TMEM132D: variants seen among roughly 807,000 people sequenced by gnomAD.
The protein encoded by TMEM132D is mature OL transmembrane protein.
In TMEM132D, 21 loss-of-function variants were observed where a neutral mutation model predicts 62.3. That is an observed-to-expected ratio of 0.34 (90% confidence interval 0.24 to 0.49). The LOEUF is 0.49. Among genes scored for constraint, TMEM132D ranks in the 20% least tolerant of loss-of-function variants. TMEM132D has a pLI of 0.99. For synonymous variants in TMEM132D, 621 were observed against 575.6 expected, an observed-to-expected ratio of 1.08 and a Z score of -1.13; for missense variants, 1,346 against 1,402.8, an observed-to-expected ratio of 0.96 and a Z score of 0.65.
chr12:129,815,234 C>G (rs1401105215), intron 1 of TMEM132D, among the ~76,000 whole-genome samples: 1 of 152,078 alleles, frequency 6.6e-6, no homozygotes, highest in Non-Finnish European at 1.5e-5. Flanking sequence ...TAATTTAGCT[C>G]TTAGTTCTAC....
intron 1 of TMEM132D, among the ~76,000 whole-genome samples, chr12:129,702,952 G>A (rs769351714): frequency 6.6e-5 from 10 of 152,262 alleles, no homozygotes; most frequent in East Asian, 1.9e-4. Context: ...TAAGAGCTCC[G>A]TGTAATCCTG....
Position 129,371,206 on chromosome 12 carries a change from A to G in TMEM132D, c.1116-33389T>C, listed in dbSNP as rs1870587494. On this transcript the variant is annotated intron_variant, in intron 3 of 8. Transcript: ENST00000422113. This position sits in a 1 kb window ranked among gnomAD's most constrained non-coding sequence, Gnocchi z 4.3. ...AGTCACACTGACTAAGTTTTCAAAA[A>G]TATTACTTTTTAAATTATTGTTGTT... 6.6e-6 allele frequency among the ~76,000 whole-genome samples: 1 copy of G among 152,210 alleles called. No individual in the cohort carries two copies. Among genetic ancestry groups the G allele is most frequent in the South Asian group, 2.1e-4 (1 of 4,820 alleles).
chr12:129,675,179 A>G (rs2137203023), intron 2 of TMEM132D, among the ~76,000 whole-genome samples: 1 of 152,316 alleles, frequency 6.6e-6, no homozygotes, highest in East Asian at 1.9e-4. Flanking sequence ...AAATTATTGT[A>G]TACATTACTG....
chr12:129,342,407 TG>T (rs1869523693), intron 3 of TMEM132D, among the ~76,000 whole-genome samples: 1 of 149,118 alleles, frequency 6.7e-6, no homozygotes, highest in Admixed American at 6.6e-5. Flanking sequence ...TTCCTTACAC[TG>T]TATACAAAAA....
chr12:129,317,206 C>A (rs1868518304), intron 4 of TMEM132D, among the ~76,000 whole-genome samples: 1 of 152,028 alleles, frequency 6.6e-6, no homozygotes, highest in African/African-American at 2.4e-5. Context: ...GTTGTTTTTG[C>A]TTTTTAACTT....
At chr12:129,227,319 A>ATATATATATATATATATATATATATG (rs1193510600) in intron 4 of TMEM132D, among the ~76,000 whole-genome samples, 2 of 139,990 alleles carry the variant, frequency 1.4e-5, no homozygotes, top group African/African-American at 5.5e-5. Flanking sequence ...ATATATATAT[A>ATATATATATATATATATATATATATG]TATATATGGC....
chr12:129,143,926 C>CT (rs62961161), intron 5 of TMEM132D, among the ~76,000 whole-genome samples: 10,648 of 152,084 alleles, frequency 0.07, 1,121 homozygotes, highest in African/African-American at 0.22. Flanking sequence ...CACAATGACC[C>CT]TGCTCACTCT....
At chr12:129,257,288 G>A (rs1192073419) in intron 4 of TMEM132D, among the ~76,000 whole-genome samples, 2 of 149,164 alleles carry the variant, frequency 1.3e-5, no homozygotes, top group African/African-American at 5.0e-5. Context: ...CTCACTGCAA[G>A]CTCTGCCTCC....
chr12:129,729,321 C>G (rs1320442381), intron 1 of TMEM132D, among the ~76,000 whole-genome samples: 1 of 152,206 alleles, frequency 6.6e-6, no homozygotes, highest in East Asian at 1.9e-4. Context: ...GTTTCTCAAC[C>G]TTGACGCTAC....
intron 1 of TMEM132D, among the ~76,000 whole-genome samples, chr12:129,738,408 GAAGA>G (rs1035821072): frequency 6.6e-6 from 1 of 152,180 alleles, no homozygotes; most frequent in Non-Finnish European, 1.5e-5. Context: ...AGGAAAAAAG[GAAGA>G]AAGGAAGAGG....
intron 2 of TMEM132D, among the ~76,000 whole-genome samples, chr12:129,665,011 C>G (rs975693647): frequency 5.9e-5 from 9 of 152,056 alleles, no homozygotes; most frequent in Non-Finnish European, 1.2e-4. Flanking sequence ...GGCATCCTGT[C>G]TCCAGAGTCT....
intron 7 of TMEM132D, among the ~76,000 whole-genome samples, chr12:129,079,492 C>A (rs922460580): frequency 6.6e-6 from 1 of 152,188 alleles, no homozygotes; most frequent in South Asian, 2.1e-4. Context: ...GGAATCACTT[C>A]TTCCTCCTCT....
chr12:129,825,688 G>A (rs1433560302), intron 1 of TMEM132D, among the ~76,000 whole-genome samples: 2 of 152,116 alleles, frequency 1.3e-5, no homozygotes, highest in African/African-American at 4.8e-5. Flanking sequence ...TGCATGGTAT[G>A]GGGTGGACTG....
At chr12:129,593,397 GAAGA>G (rs1019519051) in intron 2 of TMEM132D, among the ~76,000 whole-genome samples, 12 of 152,292 alleles carry the variant, frequency 7.9e-5, no homozygotes, top group African/African-American at 2.9e-4. Flanking sequence ...TACAAGCATA[GAAGA>G]AAGACAAGTA....
At chr12:129,521,234 T>A (rs1875839205) in intron 3 of TMEM132D, 1 of 152,226 alleles carries the variant, frequency 6.6e-6, no homozygotes, top group South Asian at 2.1e-4. Context: ...ACACCCAGCA[T>A]CTCTTTTCTG....
At chr12:129,418,610 T>C (rs1872201728) in intron 3 of TMEM132D, among the ~76,000 whole-genome samples, 1 of 151,938 alleles carries the variant, frequency 6.6e-6, no homozygotes. Flanking sequence ...ACCTAATGCA[T>C]GTGGGGCTTA....
chr12:129,566,351 C>T (rs542747862), intron 2 of TMEM132D, among the ~76,000 whole-genome samples: 3 of 152,186 alleles, frequency 2.0e-5, no homozygotes, highest in Admixed American at 6.5e-5. Flanking sequence ...AATTCTAAGC[C>T]ATCTAACCAA....
chr12:129,246,338 C>T (rs1184706738), intron 4 of TMEM132D, among the ~76,000 whole-genome samples: 4 of 152,194 alleles, frequency 2.6e-5, no homozygotes, highest in Non-Finnish European at 5.9e-5. Flanking sequence ...GCTGGCCTAA[C>T]AGCACCAAGG....
At chr12:129,794,088 CTTTT>C (rs1303892006) in intron 1 of TMEM132D, among the ~76,000 whole-genome samples, 1 of 128,274 alleles carries the variant, frequency 7.8e-6, no homozygotes, top group Non-Finnish European at 1.7e-5. Flanking sequence ...TTTTTTTTTT[CTTTT>C]TTTTAATTTT....
Sources: gnomAD v4.1 joint callset for allele counts (sites outside exome capture counted in the v4.1 genomes callset) on GRCh38, gnomAD v4.1.1 for gene constraint, Gnocchi (gnomAD v3.1) non-coding constraint, MANE v1.5 for transcripts, NCBI Gene and HGNC (gene_info 2026-07-23, HGNC 2026-07-21) for gene names.